SPTBN1: variants seen among roughly 807,000 people sequenced by gnomAD.
SPTBN1 encodes spectrin beta chain, non-erythrocytic 1.
Under a neutral mutation model 266.4 loss-of-function variants are expected in SPTBN1, and 32 were observed. The observed-to-expected ratio is 0.12, with a 90% CI of 0.09 to 0.16. The LOEUF (loss-of-function observed/expected upper bound fraction) is 0.16, where lower values mean the gene tolerates loss of function less well. Ranked by LOEUF, SPTBN1 falls within the 10% of genes least tolerant of loss-of-function variation. The pLI, the probability that SPTBN1 is intolerant of heterozygous loss-of-function variation, is 1.00. For synonymous variants in SPTBN1, 1,336 were observed against 1,162.2 expected, an observed-to-expected ratio of 1.15 and a Z score of -3.04; for missense variants, 2,296 against 3,067.1, an observed-to-expected ratio of 0.75 and a Z score of 5.94.
At chr2:54,525,691 C>T (rs1670764544) in intron 1 of SPTBN1, among the ~76,000 whole-genome samples, 1 of 152,220 alleles carries the variant, frequency 6.6e-6, no homozygotes, top group African/African-American at 2.4e-5. Flanking sequence ...TGAGTTCATT[C>T]AGAAGCCCCA....
chr2:54,616,898 G>A (rs1680508408), intron 5 of SPTBN1, among the ~76,000 whole-genome samples: 2 of 152,070 alleles, frequency 1.3e-5, no homozygotes, highest in South Asian at 4.1e-4. Flanking sequence ...ACTACTTTAG[G>A]TGTAGATGTA....
chr2:54,597,866 CTTTTTTTT>C (rs531763576), intron 2 of SPTBN1, among the ~76,000 whole-genome samples: 7 of 82,192 alleles, frequency 8.5e-5, no homozygotes, highest in South Asian at 4.9e-4. Flanking sequence ...GAGCTATCTG[CTTTTTTTT>C]TTTTTTTTTT....
At chr2:54,519,337 T>C (rs1426732393) in intron 1 of SPTBN1, among the ~76,000 whole-genome samples, 3 of 152,202 alleles carry the variant, frequency 2.0e-5, no homozygotes, top group African/African-American at 4.8e-5. Context: ...AAGCAGTCTT[T>C]TAATGATAGG....
In SPTBN1 at chr2:54,558,022, G is replaced by A. The variant is rs1444384018; in HGVS notation, c.148+31456G>A. On this transcript the variant is annotated intron_variant, in intron 2 of 35. Transcript: ENST00000356805. This position sits in a 1 kb window ranked among gnomAD's most constrained non-coding sequence, Gnocchi z 4.6. ...AGCCGCGCGGGCCCGGGACCCTTGGGGCTCTTCACTCTCCAGGCCGTCCCG... is the reference window on the plus strand; with the variant it reads ...AGCCGCGCGGGCCCGGGACCCTTGGAGCTCTTCACTCTCCAGGCCGTCCCG... 1.0e-6 allele frequency: 1 copy of A among 985,324 alleles called. No homozygotes were observed. Among genetic ancestry groups the A allele is most frequent in the African/African-American group, 1.7e-5 (1 of 57,248 alleles). 61.0% of individuals were successfully genotyped at this position (985,324 alleles called of 1,614,324 possible).
intron 16 of SPTBN1, 100 bp from the exon 17 acceptor site, chr2:54,632,466 A>C: frequency 8.3e-7 from 1 of 1,208,344 alleles, no homozygotes; most frequent in Non-Finnish European, 1.2e-6. Flanking sequence ...TGTAAGTGTA[A>C]TGAAGAAAGT....
At position 54,632,772 on chromosome 2, in the gene SPTBN1, C is replaced by G. The variant is rs775893234; in HGVS notation, c.3767+4C>G. 2 of 1,613,992 alleles carry G rather than the reference C, an allele frequency of 1.2e-6. No individual in the cohort carries two copies. Among genetic ancestry groups the G allele is most frequent in the African/African-American group, 2.7e-5 (2 of 75,064 alleles). On this transcript the variant is annotated splice_donor_region_variant and intron_variant, in intron 17 of 35. Coordinates refer to ENST00000356805, the MANE Select transcript of SPTBN1 (RefSeq NM_003128.3). ...AGGTGGACTCTATTGATGACAGGTA[C>G]AGTTTTCTGAGGTTCTTAAGGGAGC...
intron 4 of SPTBN1, 122 bp downstream of exon 4, chr2:54,612,456 G>C (rs1411404250): frequency 8.6e-7 from 1 of 1,167,270 alleles, no homozygotes; most frequent in East Asian, 2.6e-5. Flanking sequence ...GCATGTCTCA[G>C]AGTCATGTGT....
At chr2:54,537,769 A>G (rs1054035851) in intron 2 of SPTBN1, among the ~76,000 whole-genome samples, 1 of 152,190 alleles carries the variant, frequency 6.6e-6, no homozygotes, top group African/African-American at 2.4e-5. Context: ...AGTCTTCTAG[A>G]TGACAGGAAA....
At chr2:54,485,561 C>A (rs2103967755) in intron 1 of SPTBN1, among the ~76,000 whole-genome samples, 1 of 152,344 alleles carries the variant, frequency 6.6e-6, no homozygotes, top group South Asian at 2.1e-4. Context: ...CTCCCAGCCG[C>A]CTGCCTTGGC....
chr2:54,469,371 T>G (rs1461128749), intron 1 of SPTBN1, among the ~76,000 whole-genome samples: 2 of 150,374 alleles, frequency 1.3e-5, no homozygotes, highest in East Asian at 1.9e-4. Flanking sequence ...ACAAATGGCC[T>G]TCTTCTGGGG....
chr2:54,497,798 C>G (rs1669045695), intron 1 of SPTBN1, among the ~76,000 whole-genome samples: 2 of 152,106 alleles, frequency 1.3e-5, no homozygotes, highest in South Asian at 4.1e-4. Flanking sequence ...ATTTTGGGAA[C>G]TGAATTTTGG....
chr2:54,576,770 T>TCAC (rs986171307), intron 2 of SPTBN1, among the ~76,000 whole-genome samples: 69 of 152,348 alleles, frequency 4.5e-4, no homozygotes, highest in Admixed American at 1.2e-3. Context: ...CTTACAGTGC[T>TCAC]GAGCACACTG....
At chr2:54,642,391 G>C (rs1291930103) in intron 18 of SPTBN1, among the ~76,000 whole-genome samples, 2 of 152,170 alleles carry the variant, frequency 1.3e-5, no homozygotes, top group Non-Finnish European at 2.9e-5. Flanking sequence ...TATAGAAAAA[G>C]AGGTGAAGGT....
chr2:54,668,680 ATTTTT>A lies in SPTBN1; in HGVS notation c.*122_*126del. ...TGCCTAATGTTCCTCAATGTGGTTG[ATTTTT>A]TTTTTTTTTTAATTTATAGAGCATT... On this transcript the variant is annotated 3_prime_UTR_variant, in exon 36 of 36. Coordinates refer to ENST00000356805, the MANE Select transcript of SPTBN1 (RefSeq NM_003128.3). 1.8e-6 allele frequency: 1 copy of A among 552,834 alleles called. No individual in the cohort carries two copies. Among genetic ancestry groups the A allele is most frequent in the Non-Finnish European group, 2.7e-6 (1 of 368,500 alleles). 34.2% of individuals were successfully genotyped at this position (552,834 alleles called of 1,614,324 possible). A position where few individuals can be genotyped will look rare whatever the true frequency, so the allele number is the denominator to read the frequency against.
At chr2:54,504,366 A>G (rs1451815448) in intron 1 of SPTBN1, among the ~76,000 whole-genome samples, 1 of 152,246 alleles carries the variant, frequency 6.6e-6, no homozygotes, top group African/African-American at 2.4e-5. Context: ...ACTTAAGGAT[A>G]TTCCTTGGGT....
At chr2:54,528,085 C>T (rs1670933219) in intron 2 of SPTBN1, 1 of 152,662 alleles carries the variant, frequency 6.6e-6, no homozygotes, top group South Asian at 2.1e-4. Context: ...TAATCAGTCA[C>T]TCTAGAATTG....
At chr2:54,569,063 C>T (rs1464318254) in intron 2 of SPTBN1, among the ~76,000 whole-genome samples, 5 of 152,128 alleles carry the variant, frequency 3.3e-5, no homozygotes, top group Admixed American at 3.3e-4. Flanking sequence ...TGCTCATTTC[C>T]TCTGAGTTTG....
chr2:54,510,558 G>C (rs1458940217), intron 1 of SPTBN1, among the ~76,000 whole-genome samples: 3 of 152,212 alleles, frequency 2.0e-5, no homozygotes, highest in Admixed American at 1.3e-4. Flanking sequence ...TCATTCTTCT[G>C]TGCTGCTGAT....
intron 16 of SPTBN1, among the ~76,000 whole-genome samples, chr2:54,632,077 TAAA>T (rs34563622): frequency 1.8e-4 from 22 of 120,840 alleles, no homozygotes; most frequent in Admixed American, 1.4e-3. Flanking sequence ...CCCTGTCTCT[TAAA>T]AAAAAAAAAA....
Sources: allele counts gnomAD v4.1 joint callset (sites outside exome capture counted in the v4.1 genomes callset), GRCh38; gene constraint gnomAD v4.1.1; non-coding constraint Gnocchi (gnomAD v3.1); transcripts MANE v1.5; gene names NCBI Gene and HGNC (gene_info 2026-07-23, HGNC 2026-07-21).